MAGI2: variants seen among roughly 807,000 people sequenced by gnomAD.
MAGI2 encodes membrane-associated guanylate kinase, WW and PDZ domain-containing protein 2.
In MAGI2, 35 loss-of-function variants were observed where a neutral mutation model predicts 133.3. The ratio of observed to expected loss-of-function variants is 0.26; its 90% confidence interval spans 0.20 to 0.35. MAGI2 has a LOEUF of 0.35. Among genes scored for constraint, MAGI2 ranks in the 10% least tolerant of loss-of-function variants. The probability of loss-of-function intolerance (pLI) is 1.00; values close to 1 mark genes in which losing one functional copy is unlikely to be tolerated. For missense variants in MAGI2, 1,636 were observed against 1,863.4 expected (o/e 0.88, Z 2.25); for synonymous variants, 729 against 710.6 (o/e 1.03, Z -0.41).
At chr7:78,207,707 A>C (rs953797171) in intron 10 of MAGI2, among the ~76,000 whole-genome samples, 1 of 152,178 alleles carries the variant, frequency 6.6e-6, no homozygotes, top group Non-Finnish European at 1.5e-5. Context: ...TTCCTAATGA[A>C]ACTGACCTAG....
At chr7:79,094,658 T>C (rs1361159713) in intron 1 of MAGI2, among the ~76,000 whole-genome samples, 1 of 152,240 alleles carries the variant, frequency 6.6e-6, no homozygotes, top group Non-Finnish European at 1.5e-5. Context: ...CCTTGATCCA[T>C]GGGCTACAGA....
At chr7:78,764,826 G>C (rs1824847945) in intron 2 of MAGI2, among the ~76,000 whole-genome samples, 1 of 152,164 alleles carries the variant, frequency 6.6e-6, no homozygotes. Flanking sequence ...TTAATAAGCA[G>C]AGTGCTAACC....
chr7:78,256,290 T>C lies in MAGI2; in HGVS notation c.1700A>G (p.His567Arg). ...ATCAGTTGGCATGGAGTGCAGAGAATGAGGCGGCCGATCTGTTATATCTGG... is the reference window on the plus strand; with the variant it reads ...ATCAGTTGGCATGGAGTGCAGAGAACGAGGCGGCCGATCTGTTATATCTGG... ...SVPDITDRPP[H>R]SLHSMPTDGQ... Residue 567 changes from histidine to arginine, a missense_variant, in exon 10 of 22, where the codon CAT becomes CGT. Transcript: ENST00000354212. 1 of 1,614,100 alleles carries C rather than the reference T, an allele frequency of 6.2e-7. No individual in the cohort carries two copies. Among genetic ancestry groups the C allele is most frequent in the Non-Finnish European group, 8.5e-7 (1 of 1,180,002 alleles).
chr7:78,477,446 A>G (rs1791889635), intron 6 of MAGI2, among the ~76,000 whole-genome samples: 1 of 151,998 alleles, frequency 6.6e-6, no homozygotes, highest in African/African-American at 2.4e-5. Flanking sequence ...CGCTGCTAAT[A>G]AAGACATACC....
chr7:79,210,330 G>T (rs1379578443), intron 1 of MAGI2, among the ~76,000 whole-genome samples: 1 of 152,006 alleles, frequency 6.6e-6, no homozygotes, highest in Non-Finnish European at 1.5e-5. Context: ...GTTGATATCT[G>T]TATGTATTAT....
At chr7:79,345,919 G>A (rs1167915797) in intron 1 of MAGI2, among the ~76,000 whole-genome samples, 1 of 152,060 alleles carries the variant, frequency 6.6e-6, no homozygotes, top group Non-Finnish European at 1.5e-5. Context: ...TGCCAAATGT[G>A]AAGAGGCGTA....
intron 1 of MAGI2, among the ~76,000 whole-genome samples, chr7:79,397,246 A>T (rs1275518024): frequency 1.3e-5 from 2 of 150,610 alleles, no homozygotes; most frequent in Non-Finnish European, 3.0e-5. Flanking sequence ...TTATGTTAAA[A>T]ATAAAATTGG....
intron 2 of MAGI2, among the ~76,000 whole-genome samples, chr7:78,984,249 G>A (rs985215316): frequency 1.3e-5 from 2 of 151,830 alleles, no homozygotes; most frequent in African/African-American, 4.8e-5. Context: ...AATCTAACTG[G>A]TCTCCCTGCT....
At chr7:78,466,410 T>G (rs879671872) in intron 6 of MAGI2, among the ~76,000 whole-genome samples, 1 of 152,212 alleles carries the variant, frequency 6.6e-6, no homozygotes, top group African/African-American at 2.4e-5. Context: ...TTAAAATCAG[T>G]GATTGCGTCC....
intron 2 of MAGI2, among the ~76,000 whole-genome samples, chr7:78,840,939 A>G (rs1792092694): frequency 6.6e-6 from 1 of 152,010 alleles, no homozygotes. Flanking sequence ...AAAGCTATAA[A>G]GCACTTAACC....
intron 10 of MAGI2, among the ~76,000 whole-genome samples, chr7:78,245,942 C>A (rs987709632): frequency 1.3e-5 from 2 of 152,152 alleles, no homozygotes; most frequent in African/African-American, 4.8e-5. Flanking sequence ...GGCCATGGCA[C>A]CCTCCCATGC....
chr7:78,308,351 A>C (rs1019212978), intron 9 of MAGI2, among the ~76,000 whole-genome samples: 1 of 152,166 alleles, frequency 6.6e-6, no homozygotes, highest in Non-Finnish European at 1.5e-5. Flanking sequence ...AATGTACAAC[A>C]AGACTGTCAG....
At chr7:78,369,276 T>C (rs982444164) in intron 6 of MAGI2, 63 bp from the exon 7 acceptor site, 4 of 1,172,318 alleles carry the variant, frequency 3.4e-6, no homozygotes, top group South Asian at 1.4e-5. Context: ...AAAAGTAATA[T>C]AATTTAATTG....
At chr7:78,128,124 G>A (rs1165054443) in intron 18 of MAGI2, among the ~76,000 whole-genome samples, 1 of 151,934 alleles carries the variant, frequency 6.6e-6, no homozygotes, top group African/African-American at 2.4e-5. Context: ...GGAAGAGAAG[G>A]CAAAAATGTT....
intron 1 of MAGI2, among the ~76,000 whole-genome samples, chr7:79,108,635 AT>A (rs1818643821): frequency 6.6e-6 from 1 of 152,148 alleles, no homozygotes; most frequent in Admixed American, 6.5e-5. Context: ...TCCCTGCTCT[AT>A]TCATTTTGTC....
At chr7:78,870,561 T>G (rs917806153) in intron 2 of MAGI2, among the ~76,000 whole-genome samples, 1 of 152,042 alleles carries the variant, frequency 6.6e-6, no homozygotes, top group Non-Finnish European at 1.5e-5. Context: ...AATATTGGCG[T>G]GGATGTTGTG....
In MAGI2 at chr7:78,409,471, C is replaced by CA. The variant is rs150297684; in HGVS notation, c.1046-40259dup. Among the ~76,000 whole-genome samples the CA allele has an allele frequency of 7.6e-3, 1,151 of 152,024 alleles. 33 individuals carry two copies. Among genetic ancestry groups the CA allele is most frequent in the East Asian group, 0.065 (335 of 5,156 alleles). On this transcript the variant is annotated intron_variant, in intron 6 of 21. Coordinates refer to ENST00000354212, the MANE Select transcript of MAGI2 (RefSeq NM_012301.4). Reference sequence around the variant, plus strand: ...TTCGCACTGTACTTCAGGGGCATCACAAAAAAGACCAGTCTACTCAAAGCT... The same window carrying CA: ...TTCGCACTGTACTTCAGGGGCATCACAAAAAAAGACCAGTCTACTCAAAGCT...
intron 9 of MAGI2, among the ~76,000 whole-genome samples, chr7:78,315,299 C>T (rs1787297453): frequency 6.6e-6 from 1 of 152,182 alleles, no homozygotes; most frequent in Non-Finnish European, 1.5e-5. Flanking sequence ...AGAGGGTTAA[C>T]TCATGTTCAA....
intron 2 of MAGI2, among the ~76,000 whole-genome samples, chr7:78,953,415 G>A (rs547643638): frequency 1.3e-5 from 2 of 152,186 alleles, no homozygotes; most frequent in South Asian, 4.2e-4. Context: ...TGGAAATAAA[G>A]TTTCTGTGTG....
Sources: gnomAD v4.1 joint callset for allele counts (sites outside exome capture counted in the v4.1 genomes callset) on GRCh38, gnomAD v4.1.1 for gene constraint, MANE v1.5 for transcripts, NCBI Gene and HGNC (gene_info 2026-07-23, HGNC 2026-07-21) for gene names.